RBPJ: variants seen among roughly 807,000 people sequenced by gnomAD.
The protein encoded by RBPJ is recombining binding protein suppressor of hairless.
Under a neutral mutation model 67.8 loss-of-function variants are expected in RBPJ, and 9 were observed. The ratio of observed to expected loss-of-function variants is 0.13; its 90% confidence interval spans 0.08 to 0.23. The LOEUF (loss-of-function observed/expected upper bound fraction) is 0.23, where lower values mean the gene tolerates loss of function less well. RBPJ is among the 10% of genes least tolerant of loss of function. RBPJ has a pLI of 1.00. For synonymous variants in RBPJ, 198 were observed against 203.3 expected, an observed-to-expected ratio of 0.97 and a Z score of 0.22; for missense variants, 305 against 595.6, an observed-to-expected ratio of 0.51 and a Z score of 5.08.
intron 1 of RBPJ, among the ~76,000 whole-genome samples, chr4:26,306,870 A>G (rs939215973): frequency 3.6e-4 from 55 of 152,142 alleles, no homozygotes; most frequent in African/African-American, 1.3e-3. Flanking sequence ...ATTTTTTAAA[A>G]ATTAAATATA....
intron 1 of RBPJ, among the ~76,000 whole-genome samples, chr4:26,307,921 CA>C (rs1283629151): frequency 3.9e-5 from 6 of 152,106 alleles, no homozygotes; most frequent in Non-Finnish European, 5.9e-5. Flanking sequence ...ATTTAAGTAG[CA>C]AAAGCACAGG....
chr4:26,358,020 C>CGTGTGTGTGTGTGTGT (rs4069724), intron 1 of RBPJ, among the ~76,000 whole-genome samples: 8 of 145,118 alleles, frequency 5.5e-5, no homozygotes, highest in African/African-American at 1.3e-4. Context: ...AGGGGGTATT[C>CGTGTGTGTGTGTGTGT]GTGTGTGTGT....
intron 1 of RBPJ, among the ~76,000 whole-genome samples, chr4:26,166,852 C>T (rs1263447365): frequency 2.0e-5 from 3 of 152,076 alleles, no homozygotes; most frequent in Non-Finnish European, 4.4e-5. Context: ...GGTTTTAGGT[C>T]TAACGTTTAA....
chr4:26,292,863 A>T (rs771275319), intron 1 of RBPJ, among the ~76,000 whole-genome samples: 4 of 150,678 alleles, frequency 2.7e-5, no homozygotes, highest in South Asian at 2.1e-4. Flanking sequence ...CCATTCATCC[A>T]TCAGTGGACA....
At chr4:26,221,061 C>A (rs1447378641) in intron 1 of RBPJ, among the ~76,000 whole-genome samples, 1 of 152,132 alleles carries the variant, frequency 6.6e-6, no homozygotes, top group African/African-American at 2.4e-5. Context: ...ATATTAATAT[C>A]CACAATCTTC....
chr4:26,270,154 C>T (rs776620032), intron 1 of RBPJ, among the ~76,000 whole-genome samples: 1 of 151,112 alleles, frequency 6.6e-6, no homozygotes, highest in Non-Finnish European at 1.5e-5. Context: ...TGGTGGCAGT[C>T]ACCTGTAATT....
At chr4:26,387,185 T>C (rs1463255969) in intron 2 of RBPJ, among the ~76,000 whole-genome samples, 3 of 152,176 alleles carry the variant, frequency 2.0e-5, no homozygotes, top group Non-Finnish European at 4.4e-5. Context: ...TTCACATTGA[T>C]GACCATTTAG....
At chr4:26,312,048 G>C (rs1722445647) in intron 1 of RBPJ, among the ~76,000 whole-genome samples, 1 of 152,192 alleles carries the variant, frequency 6.6e-6, no homozygotes, top group African/African-American at 2.4e-5. Flanking sequence ...TAGCGTCTTA[G>C]GGAGTGGAAC....
chr4:26,312,322 G>A (rs969688415), intron 1 of RBPJ, among the ~76,000 whole-genome samples: 3 of 152,024 alleles, frequency 2.0e-5, no homozygotes, highest in African/African-American at 7.2e-5. Context: ...TAGTAGAAAC[G>A]GGGTTTCACT....
At chr4:26,203,594 C>T (rs1201746970) in intron 1 of RBPJ, among the ~76,000 whole-genome samples, 6 of 152,164 alleles carry the variant, frequency 3.9e-5, no homozygotes, top group Non-Finnish European at 5.9e-5. Context: ...TCCTCCACTC[C>T]TAAACAGGAA....
At chr4:26,124,910 C>T in the RBPJ span, among the ~76,000 whole-genome samples, 3 of 152,136 alleles carry the variant, frequency 2.0e-5, no homozygotes, top group East Asian at 1.9e-4. Context: ...ATGTGGCACA[C>T]GACTGTAGTT....
At chr4:26,212,432 CTTT>C (rs370447105) in intron 1 of RBPJ, among the ~76,000 whole-genome samples, 1,297 of 111,934 alleles carry the variant, frequency 0.012, 13 homozygotes, top group African/African-American at 0.043. Context: ...CTTTTCTTTT[CTTT>C]TTTTTTTTTT....
intron 7 of RBPJ, among the ~76,000 whole-genome samples, chr4:26,426,262 TAGG>T (rs1204440763): frequency 1.3e-5 from 2 of 152,274 alleles, no homozygotes; most frequent in East Asian, 1.9e-4. Flanking sequence ...AAGCACAACT[TAGG>T]AGGATGATTC....
chr4:26,240,404 C>G (rs1296003819), intron 1 of RBPJ, among the ~76,000 whole-genome samples: 1 of 152,214 alleles, frequency 6.6e-6, no homozygotes, highest in South Asian at 2.1e-4. Flanking sequence ...AGATCAATAA[C>G]ATTCACACAG....
chr4:26,244,429 A>ATGTATACATATGTG (rs1719847047), intron 1 of RBPJ, among the ~76,000 whole-genome samples: 1 of 143,492 alleles, frequency 7.0e-6, no homozygotes, highest in Admixed American at 6.9e-5. Context: ...GTGTGTATAT[A>ATGTATACATATGTG]TGTATACATA....
chr4:26,312,081 T>C (rs1722446922), intron 1 of RBPJ, among the ~76,000 whole-genome samples: 1 of 152,228 alleles, frequency 6.6e-6, no homozygotes, highest in Non-Finnish European at 1.5e-5. Context: ...TTGATTTTGA[T>C]GCCCACTAAG....
rs985557242 is a variant in RBPJ, at chr4:26,378,919, G to A, written c.21-7434G>A. On this transcript the variant is annotated intron_variant, in intron 1 of 10. Transcript: ENST00000355476. ...TGGGTGCCTGTAATCCCAGCTACTCGAGAGGCTGAGGCAGGAGAATTGCTT... is the reference window on the plus strand; with the variant it reads ...TGGGTGCCTGTAATCCCAGCTACTCAAGAGGCTGAGGCAGGAGAATTGCTT... 2.6e-5 allele frequency among the ~76,000 whole-genome samples: 4 copies of A among 152,116 alleles called. No individual in the cohort carries two copies. In the East Asian group the frequency reaches 7.8e-4, roughly 30 times the overall value.
intron 1 of RBPJ, among the ~76,000 whole-genome samples, chr4:26,270,437 G>GAAAGAAAGAAAGAAAGAAAGAAGA (rs757127437): frequency 2.1e-3 from 64 of 30,142 alleles, no homozygotes; most frequent in Non-Finnish European, 4.3e-3. Context: ...AAGAAAGAAA[G>GAAAGAAAGAAAGAAAGAAAGAAGA]AAGAAAGAAA....
In RBPJ at chr4:26,270,427, AAGAAAGAAAG is replaced by A. The variant is rs1428702195; in HGVS notation, c.-166-92017_-166-92008del. Among the ~76,000 whole-genome samples the A allele has an allele frequency of 1.8e-3, 110 of 60,226 alleles. 13 individuals are homozygous for A. The highest frequency in any genetic ancestry group is 4.5e-3 in the African/African-American group (102 of 22,484). The allele number at this position is 60,226 out of a possible 152,430, so 39.5% of individuals were successfully genotyped here. ...AAAGAAAGAAAGAAAGAAAGAAAGAAAGAAAGAAAGAAGAAAGAAAGAAAGAAAGAAAAGA... is the reference window on the plus strand; with the variant it reads ...AAAGAAAGAAAGAAAGAAAGAAAGAAAAGAAAGAAAGAAAGAAAGAAAAGA... On this transcript the variant is annotated intron_variant, in intron 1 of 4. Transcript: ENST00000512351.
Sources: gnomAD v4.1 joint callset for allele counts (sites outside exome capture counted in the v4.1 genomes callset) on GRCh38, gnomAD v4.1.1 for gene constraint, MANE v1.5 for transcripts, NCBI Gene and HGNC (gene_info 2026-07-23, HGNC 2026-07-21) for gene names.